PTPRE: variants seen among roughly 807,000 people sequenced by gnomAD.
The protein encoded by PTPRE is receptor-type tyrosine-protein phosphatase epsilon.
Under a neutral mutation model 102.0 loss-of-function variants are expected in PTPRE, and 51 were observed. The ratio of observed to expected loss-of-function variants is 0.50; its 90% CI spans 0.40 to 0.63. The LOEUF (loss-of-function observed/expected upper bound fraction) is 0.63. Among genes scored for constraint, PTPRE ranks in the 30% least tolerant of loss-of-function variants. The pLI is 0.00. For missense variants in PTPRE, 752 were observed against 915.1 expected, an observed-to-expected ratio of 0.82 and a Z score of 2.30; for synonymous variants, 345 against 348.2, an observed-to-expected ratio of 0.99 and a Z score of 0.10.
In PTPRE at chr10:127,984,889, A is replaced by C. The variant is rs117516793; in HGVS notation, c.-8+2593A>C. ...CAGTCTTGGGTATGTCTTTATCAGC[A>C]TCATGAAAATGGACTATCACAGCTG... On this transcript the variant is annotated intron_variant, in intron 2 of 20. Coordinates refer to ENST00000254667, the MANE Select transcript of PTPRE (RefSeq NM_006504.6). Among the ~76,000 whole-genome samples the C allele has an allele frequency of 5.6e-3, 853 of 152,348 alleles. 7 individuals carry two copies. The highest frequency in any genetic ancestry group is 8.8e-3 in the Non-Finnish European group (598 of 68,040).
At chr10:128,059,761 C>A (rs1296521122) in intron 7 of PTPRE, among the ~76,000 whole-genome samples, 2 of 152,172 alleles carry the variant, frequency 1.3e-5, no homozygotes, top group African/African-American at 2.4e-5. Context: ...CATTTCTCTT[C>A]AAATCACAAA....
Position 128,070,375 on chromosome 10 carries a change from C to T in PTPRE, c.1218C>T (p.Ser406=). 6.2e-7 allele frequency: 1 copy of T among 1,614,140 alleles called. No homozygotes were observed. The highest frequency in any genetic ancestry group is 1.1e-5 in the South Asian group (1 of 91,090). ...LYGDTELDVS[S]LEKHLQTMHG... ...GGGACACAGAGCTGGACGTGTCCTC[C>T]CTGGAGAAGCACCTGCAGACCATGC... Residue 406 remains serine (S), a synonymous_variant, in exon 14 of 21, where the codon TCC becomes TCT. Transcript: ENST00000254667. The surrounding 1 kb of genome is among the most constrained non-coding windows in gnomAD (Gnocchi z 4.8).
rs1430763431 is a variant in PTPRE at position 128,040,925 on chromosome 10, C to T, written c.44C>T (p.Pro15Leu). 4.3e-6 allele frequency: 7 copies of T among 1,614,028 alleles called. No homozygotes were observed. Among genetic ancestry groups the T allele is most frequent in the Middle Eastern group, 1.6e-4 (1 of 6,062 alleles). ...CTCCTGCTGGTGGGTTTTAGCTTGC[C>T]GCTCGCCAGGGCTCTCAGGGGCAAC... is the stretch of plus-strand genomic sequence containing the variant. ...CPLLLVGFSL[P>L]LARALRGNET... The change falls in exon 3 of 21, where the codon CCG (proline) becomes CTG (leucine). Residue 15 changes from proline (P) to leucine (L), a missense_variant. By Grantham distance (98) the Pro-to-Leu change is moderately conservative. Around this residue, in one of 2 missense-constraint regions of PTPRE, gnomAD observed 116 missense variants for 90.8 expected, o/e 1.28. Transcript: ENST00000254667.
intron 9 of PTPRE, among the ~76,000 whole-genome samples, chr10:128,062,451 T>C (rs1849689563): frequency 6.6e-6 from 1 of 152,194 alleles, no homozygotes; most frequent in South Asian, 2.1e-4. Flanking sequence ...TGTGTTTCTC[T>C]CTTGCCAGCA....
At chr10:127,917,040 A>T (rs71474231) in intron 1 of PTPRE, among the ~76,000 whole-genome samples, 25,704 of 151,886 alleles carry the variant, frequency 0.17, 2,389 homozygotes, top group African/African-American at 0.24. Context: ...CTGTGTGTGG[A>T]AAGCCAGAAT....
At position 128,032,166 on chromosome 10, in the gene PTPRE, C is replaced by T. The variant is rs1394840244; in HGVS notation, c.-7-8709C>T. On this transcript the variant is annotated intron_variant, in intron 2 of 20. Coordinates refer to ENST00000254667, the MANE Select transcript of PTPRE (RefSeq NM_006504.6). Reference sequence around the variant, plus strand: ...GAGTAGCTGGGATTACAGGCGCCTGCCACCACGTCTGGCTAATTTTTGTAT... The same window carrying T: ...GAGTAGCTGGGATTACAGGCGCCTGTCACCACGTCTGGCTAATTTTTGTAT... 3.3e-5 allele frequency among the ~76,000 whole-genome samples: 5 copies of T among 152,102 alleles called. No homozygotes were observed. The East Asian group carries it at 9.7e-4, about 29-fold the overall frequency.
chr10:127,933,555 C>A (rs1027826440), intron 1 of PTPRE, among the ~76,000 whole-genome samples: 8 of 152,080 alleles, frequency 5.3e-5, no homozygotes, highest in Admixed American at 1.3e-4. Context: ...TTCTGATGTG[C>A]GATAAAAATG....
chr10:127,982,557 T>C (rs922062921), intron 2 of PTPRE, among the ~76,000 whole-genome samples: 1 of 151,346 alleles, frequency 6.6e-6, no homozygotes, highest in African/African-American at 2.4e-5. Context: ...CTTGGTCTCC[T>C]GAAATGTATT....
At chr10:128,074,610 T>C (rs1170793641) in intron 17 of PTPRE, among the ~76,000 whole-genome samples, 1 of 151,778 alleles carries the variant, frequency 6.6e-6, no homozygotes, top group Admixed American at 6.6e-5. Context: ...GAGGTTGCAT[T>C]GAGCTGAGAT....
intron 1 of PTPRE, among the ~76,000 whole-genome samples, chr10:127,910,532 G>A (rs1845797276): frequency 6.6e-6 from 1 of 152,230 alleles, no homozygotes; most frequent in South Asian, 2.1e-4. Flanking sequence ...CTTTAAGGGT[G>A]GAGGGTGTGT....
chr10:128,035,406 T>A (rs1001397693), intron 2 of PTPRE, among the ~76,000 whole-genome samples: 1 of 152,214 alleles, frequency 6.6e-6, no homozygotes, highest in Non-Finnish European at 1.5e-5. Context: ...CATTGGTCAA[T>A]AAATGTTTTA....
intron 5 of PTPRE, among the ~76,000 whole-genome samples, chr10:128,049,320 G>A (rs890784055): frequency 6.6e-6 from 1 of 152,134 alleles, no homozygotes; most frequent in Non-Finnish European, 1.5e-5. Context: ...AGGGACGCCC[G>A]TCACTTGTAA....
At chr10:127,938,358 T>C (rs546182960) in intron 1 of PTPRE, among the ~76,000 whole-genome samples, 24 of 152,086 alleles carry the variant, frequency 1.6e-4, no homozygotes, top group Non-Finnish European at 2.8e-4. Flanking sequence ...AAAAAAGTTA[T>C]AGTCTCCTAG....
chr10:128,041,874 T>TAACCCTGGACAAATGTCCTGCA (rs910667032), intron 3 of PTPRE, among the ~76,000 whole-genome samples: 13 of 152,066 alleles, frequency 8.5e-5, no homozygotes, highest in South Asian at 4.1e-4. Context: ...CATGATTCCC[T>TAACCCTGGACAAATGTCCTGCA]AACCCTGGAC....
intron 2 of PTPRE, among the ~76,000 whole-genome samples, chr10:128,014,604 C>T (rs944958297): frequency 6.6e-6 from 1 of 152,146 alleles, no homozygotes; most frequent in Non-Finnish European, 1.5e-5. Context: ...ATTAAAAATT[C>T]TCCCACAACT....
At chr10:127,962,486 G>A (rs1849899093) in intron 1 of PTPRE, among the ~76,000 whole-genome samples, 1 of 152,224 alleles carries the variant, frequency 6.6e-6, no homozygotes, top group Admixed American at 6.5e-5. Flanking sequence ...ACCTCCCCGG[G>A]GAAGCAGAGA....
chr10:128,000,465 T>TTC (rs1184782199), intron 2 of PTPRE, among the ~76,000 whole-genome samples: 2 of 152,228 alleles, frequency 1.3e-5, no homozygotes, highest in South Asian at 4.2e-4. Context: ...TGCGTTTCTT[T>TTC]TCTCTCTCTC....
intron 2 of PTPRE, among the ~76,000 whole-genome samples, chr10:127,988,043 A>T (rs546561760): frequency 6.6e-6 from 1 of 152,338 alleles, no homozygotes; most frequent in East Asian, 1.9e-4. Flanking sequence ...GGCATCATTC[A>T]TATTGGGAGA....
intron 1 of PTPRE, among the ~76,000 whole-genome samples, chr10:127,971,953 G>A (rs575970333): frequency 6.6e-6 from 1 of 152,330 alleles, no homozygotes; most frequent in East Asian, 1.9e-4. Flanking sequence ...TACCTTTTCA[G>A]AGACCCAGCC....
Sources: gnomAD v4.1 joint callset for allele counts (sites outside exome capture counted in the v4.1 genomes callset) on GRCh38, gnomAD v4.1.1 for gene constraint, gnomAD v4.1.1 regional missense constraint, Gnocchi (gnomAD v3.1) non-coding constraint, MANE v1.5 for transcripts, NCBI Gene and HGNC (gene_info 2026-07-23, HGNC 2026-07-21) for gene names.